The following TCF12 variants were observed in gnomAD, a reference collection of about 807,000 sequenced individuals.
TCF12 encodes the protein DNA-binding protein HTF4.
In TCF12, 45 loss-of-function variants were observed where a neutral mutation model predicts 86.0. The ratio of observed to expected loss-of-function variants is 0.52; its 90% CI spans 0.41 to 0.67. The LOEUF is 0.67. TCF12 is among the 30% of genes least tolerant of loss of function. The pLI is 0.00. For missense variants in TCF12, 881 were observed against 859.9 expected, an observed-to-expected ratio of 1.02 and a Z score of -0.31; for synonymous variants, 330 against 299.6, an observed-to-expected ratio of 1.10 and a Z score of -1.05.
intron 8 of TCF12, among the ~76,000 whole-genome samples, chr15:57,209,674 T>G (rs781143040): frequency 2.4e-4 from 37 of 152,224 alleles, no homozygotes; most frequent in Admixed American, 4.6e-4. Context: ...GTTTTTATTT[T>G]TAGACACAGG....
At chr15:56,936,638 C>A (rs539273265) in intron 3 of TCF12, among the ~76,000 whole-genome samples, 1 of 152,122 alleles carries the variant, frequency 6.6e-6, no homozygotes, top group African/African-American at 2.4e-5. Context: ...TTTGATCCAT[C>A]TTGAGTTGAT....
rs1555455322 is a variant in TCF12 at position 56,950,745 on chromosome 15, G to GCTTTTTTT, written c.148+29647_148+29648insCTTTTTTT. ...TTACAAATAAAGCTATTATGACCAT[G>GCTTTTTTT]TTTTTTTTTTTTTTTTTTTTTTTTT... On this transcript the variant is annotated intron_variant, in intron 3 of 20. Coordinates refer to ENST00000333725, the MANE Select transcript of TCF12 (RefSeq NM_207037.2). 7.5e-4 allele frequency among the ~76,000 whole-genome samples: 64 copies of GCTTTTTTT among 85,900 alleles called. 29 individuals are homozygous for GCTTTTTTT. Among genetic ancestry groups the GCTTTTTTT allele is most frequent in the Middle Eastern group, 0.015 (2 of 130 alleles). 56.4% of individuals were successfully genotyped at this position (85,900 alleles called of 152,430 possible).
rs112444329 is a variant in TCF12, at chr15:57,039,743, A to G, written c.149-24007A>G. On this transcript the variant is annotated intron_variant, in intron 3 of 20. Coordinates refer to ENST00000333725, the MANE Select transcript of TCF12 (RefSeq NM_207037.2). ...CCTTCTTGTTGCAGACTGGCTTTTCAGGAATCATGAGACCCATTTATTTGT... is the reference window on the plus strand; with the variant it reads ...CCTTCTTGTTGCAGACTGGCTTTTCGGGAATCATGAGACCCATTTATTTGT... Among the ~76,000 whole-genome samples, 11 of 152,230 alleles carry G rather than the reference A, an allele frequency of 7.2e-5. 1 individual carries two copies. Among genetic ancestry groups the G allele is most frequent in the African/African-American group, 2.6e-4 (11 of 41,544 alleles).
chr15:57,131,733 T>C (rs2076887380), intron 5 of TCF12, among the ~76,000 whole-genome samples: 1 of 152,128 alleles, frequency 6.6e-6, no homozygotes, highest in Admixed American at 6.6e-5. Flanking sequence ...CAAAGGGAGA[T>C]TATAAATGAG....
chr15:57,007,519 G>C (rs1230132408), intron 3 of TCF12, among the ~76,000 whole-genome samples: 1 of 152,160 alleles, frequency 6.6e-6, no homozygotes, highest in Non-Finnish European at 1.5e-5. Context: ...TATGTATTGA[G>C]ATCCCTCACC....
At chr15:57,090,001 G>A (rs1251104341) in intron 4 of TCF12, among the ~76,000 whole-genome samples, 2 of 152,088 alleles carry the variant, frequency 1.3e-5, no homozygotes, top group African/African-American at 2.4e-5. Context: ...GGTCTCTTGA[G>A]CCCACGAGTT....
intron 8 of TCF12, among the ~76,000 whole-genome samples, chr15:57,201,883 C>T (rs573706997): frequency 6.6e-6 from 1 of 151,992 alleles, no homozygotes; most frequent in African/African-American, 2.4e-5. Context: ...CACTAAGATA[C>T]AAAGTTCAAG....
At chr15:57,258,503 A>AT (rs1300337207) in intron 16 of TCF12, among the ~76,000 whole-genome samples, 1 of 152,228 alleles carries the variant, frequency 6.6e-6, no homozygotes, top group African/African-American at 2.4e-5. Flanking sequence ...AATTCGAAGC[A>AT]TTTTGTACTA....
chr15:57,222,758 ATTTTTTTTTTTTTTTTTTTT>A (rs57645813), intron 8 of TCF12, among the ~76,000 whole-genome samples: 7 of 45,530 alleles, frequency 1.5e-4, no homozygotes, highest in South Asian at 1.4e-3. Flanking sequence ...AAGGACTGCC[ATTTTTTTTTTTTTTTTTTTT>A]TTTTTTTTTT....
intron 3 of TCF12, among the ~76,000 whole-genome samples, chr15:57,037,223 C>A (rs578260967): frequency 6.6e-6 from 1 of 151,992 alleles, no homozygotes; most frequent in Non-Finnish European, 1.5e-5. Flanking sequence ...CCAAGGCGAG[C>A]GGATCACCTG....
chr15:57,174,658 CTAAA>C (rs1171861102), intron 6 of TCF12, among the ~76,000 whole-genome samples: 3 of 152,130 alleles, frequency 2.0e-5, no homozygotes, highest in Non-Finnish European at 1.5e-5. Flanking sequence ...ACTTCTAAAA[CTAAA>C]TAGTACTTTT....
At chr15:56,923,927 C>A (rs1424029889) in intron 3 of TCF12, among the ~76,000 whole-genome samples, 1 of 151,280 alleles carries the variant, frequency 6.6e-6, no homozygotes, top group Non-Finnish European at 1.5e-5. Context: ...TTCTTTTTGC[C>A]CAAAATTTTC....
chr15:57,281,435 TTTCC>T (rs1234481816), intron 19 of TCF12, among the ~76,000 whole-genome samples: 1 of 152,220 alleles, frequency 6.6e-6, no homozygotes, highest in Non-Finnish European at 1.5e-5. Flanking sequence ...AATTGGCACA[TTTCC>T]TATAGAAGAG....
At chr15:56,956,666 C>A (rs1474543838) in intron 3 of TCF12, among the ~76,000 whole-genome samples, 1 of 151,960 alleles carries the variant, frequency 6.6e-6, no homozygotes. Flanking sequence ...GTACAGAATT[C>A]TAGATGGACA....
At chr15:57,236,951 T>C (rs1451875809) in intron 12 of TCF12, among the ~76,000 whole-genome samples, 1 of 152,132 alleles carries the variant, frequency 6.6e-6, no homozygotes, top group African/African-American at 2.4e-5. Context: ...CCCTTTAAGA[T>C]TGTGCCCGTG....
chr15:57,281,469 C>CACG (rs1461925864), intron 19 of TCF12, among the ~76,000 whole-genome samples: 1 of 152,218 alleles, frequency 6.6e-6, no homozygotes, highest in African/African-American at 2.4e-5. Flanking sequence ...ACCCCTGGGC[C>CACG]ACGGACCAGT....
At chr15:56,928,714 T>C (rs2060121277) in intron 3 of TCF12, among the ~76,000 whole-genome samples, 1 of 152,220 alleles carries the variant, frequency 6.6e-6, no homozygotes, top group African/African-American at 2.4e-5. Flanking sequence ...GTACACCTTT[T>C]GAAAATCCTT....
Position 57,197,722 on chromosome 15 carries a change from AT to A in TCF12, c.527-44del, listed in dbSNP as rs747781950. On this transcript the variant is annotated intron_variant, in intron 7 of 20. Transcript: ENST00000333725. ...GTTATTCTGTTAATTTGAAGTCTTG[AT>A]TTTTTTCTGGTATATTATGCTGAAG... is the stretch of plus-strand genomic sequence containing the variant. 3.8e-6 allele frequency: 6 copies of A among 1,590,496 alleles called. No individual in the cohort carries two copies. In the African/African-American group the frequency reaches 8.2e-5, roughly 22 times the overall value.
intron 5 of TCF12, among the ~76,000 whole-genome samples, chr15:57,156,840 G>A (rs1596893763): frequency 6.6e-6 from 1 of 152,180 alleles, no homozygotes; most frequent in Non-Finnish European, 1.5e-5. Flanking sequence ...GTAATAATGG[G>A]ATTTAGCAAC....
Sources: gnomAD v4.1 joint callset for allele counts (sites outside exome capture counted in the v4.1 genomes callset) on GRCh38, gnomAD v4.1.1 for gene constraint, MANE v1.5 for transcripts, NCBI Gene and HGNC (gene_info 2026-07-23, HGNC 2026-07-21) for gene names.